FHL1: variants seen among roughly 807,000 people sequenced by gnomAD.
FHL1 encodes four and a half LIM domains 1, also known as four and a half LIM domains protein 1.
Under a neutral mutation model 20.3 loss-of-function variants are expected in FHL1, and 1 was observed. The ratio of observed to expected loss-of-function variants is 0.05; its 90% CI spans 0.02 to 0.23. The LOEUF (loss-of-function observed/expected upper bound fraction) is 0.23, where lower values mean the gene tolerates loss of function less well. Among genes scored for constraint, FHL1 ranks in the 10% least tolerant of loss-of-function variants. FHL1 has a pLI of 1.00. For synonymous variants in FHL1, 82 were observed against 88.9 expected, an observed-to-expected ratio of 0.92 and a Z score of 0.44; for missense variants, 177 against 234.0, an observed-to-expected ratio of 0.76 and a Z score of 1.59.
intron 1 of FHL1, among the ~76,000 whole-genome samples, chrX:136,161,281 G>C (rs949769197): frequency 2.7e-5 from 3 of 110,950 alleles, no homozygotes; most frequent in African/African-American, 6.6e-5. Context: ...CCCTCATTCT[G>C]TCTTCTCTTT....
At chrX:136,180,726 CTTTAT>C (rs1223504274) in intron 2 of FHL1, among the ~76,000 whole-genome samples, 3 of 112,017 alleles carry the variant, frequency 2.7e-5, no homozygotes, top group Non-Finnish European at 3.8e-5. Flanking sequence ...TACTGATTGA[CTTTAT>C]TTTATTTTAT....
intron 1 of FHL1, among the ~76,000 whole-genome samples, chrX:136,161,228 C>T (rs1042586207): frequency 5.4e-5 from 6 of 111,211 alleles, no homozygotes; most frequent in Admixed American, 9.6e-5. Context: ...CCTTGCTGCT[C>T]ACCCACCTGC....
intron 2 of FHL1, among the ~76,000 whole-genome samples, chrX:136,179,878 T>A (rs2073109973): frequency 8.9e-6 from 1 of 111,920 alleles, no homozygotes; most frequent in African/African-American, 3.2e-5. Context: ...AACGCTCCTA[T>A]TCCTACCACC....
Position 136,209,252 on chromosome X carries a change from C to T in FHL1, c.736+611C>T. 4 of 1,206,883 alleles carry T rather than the reference C, an allele frequency of 3.3e-6. No individual in the cohort carries two copies. In the South Asian group the frequency reaches 7.1e-5, roughly 21 times the overall value. ...CTTTTGCCATCCTCAGGGAAAAGGACTGTGTCAAGAGTGAGCCACCCAGTC... is the reference window on the plus strand; with the variant it reads ...CTTTTGCCATCCTCAGGGAAAAGGATTGTGTCAAGAGTGAGCCACCCAGTC... On this transcript the variant is annotated intron_variant, in intron 5 of 5. Transcript: ENST00000370683.
At chrX:136,201,471 T>C (rs770114137) in intron 1 of FHL1, among the ~76,000 whole-genome samples, 14 of 101,623 alleles carry the variant, frequency 1.4e-4, no homozygotes, top group East Asian at 3.3e-4. Context: ...GTAGGTCTTA[T>C]ACCAGTTAAA....
intron 1 of FHL1, among the ~76,000 whole-genome samples, chrX:136,198,805 C>A (rs751779046): frequency 9.0e-6 from 1 of 111,713 alleles, no homozygotes; most frequent in Non-Finnish European, 1.9e-5. Flanking sequence ...CCTTTCAAGT[C>A]GAAAACCAGG....
intron 1 of FHL1, among the ~76,000 whole-genome samples, chrX:136,159,897 A>T (rs867272775): frequency 4.4e-4 from 49 of 112,052 alleles, no homozygotes; most frequent in African/African-American, 1.5e-3. Context: ...TGGTGAACTT[A>T]TGCCAACTCT....
At chrX:136,170,146 CG>C (rs1341445014) in intron 2 of FHL1, among the ~76,000 whole-genome samples, 1 of 111,315 alleles carries the variant, frequency 9.0e-6, no homozygotes, top group African/African-American at 3.3e-5. Flanking sequence ...TATTAGCTCT[CG>C]GGGGCAATGT....
intron 5 of FHL1, 140 bp downstream of exon 5, chrX:136,208,781 C>T (rs1288930992): frequency 4.9e-6 from 3 of 618,093 alleles, no homozygotes; most frequent in Non-Finnish European, 7.9e-6. Context: ...TCCCAAAGGC[C>T]CCCCAAGAGT....
At chrX:136,207,555 G>T in intron 3 of FHL1, 1 of 440,920 alleles carries the variant, frequency 2.3e-6, no homozygotes. Context: ...AGAGGTGGGG[G>T]AGTGGGGGAT....
chrX:136,151,143 C>T (rs1603239488), intron 1 of FHL1, among the ~76,000 whole-genome samples: 3 of 112,152 alleles, frequency 2.7e-5, no homozygotes, highest in Admixed American at 9.4e-5. Flanking sequence ...TCAGCCAGGG[C>T]GCTTTTGCCC....
chrX:136,196,687 A>C, upstream of FHL1: 2 of 542,768 alleles, frequency 3.7e-6, no homozygotes, highest in South Asian at 3.5e-5. Flanking sequence ...ACAGCACAAA[A>C]ATGTATTATT....
At chrX:136,172,846 C>T (rs528249882) in intron 2 of FHL1, among the ~76,000 whole-genome samples, 6 of 112,320 alleles carry the variant, frequency 5.3e-5, no homozygotes, top group African/African-American at 1.9e-4. Context: ...GATTCTCCTG[C>T]CTCAGCCTCC....
At chrX:136,156,524 C>T (rs996143081) in intron 1 of FHL1, among the ~76,000 whole-genome samples, 7 of 111,157 alleles carry the variant, frequency 6.3e-5, no homozygotes, top group Non-Finnish European at 1.1e-4. Context: ...TCAGGTGATC[C>T]GCCCTCCTCG....
At chrX:136,178,396 C>G (rs1175779383) in intron 2 of FHL1, among the ~76,000 whole-genome samples, 1 of 111,895 alleles carries the variant, frequency 8.9e-6, no homozygotes, top group Non-Finnish European at 1.9e-5. Context: ...GAGCATCTCT[C>G]ACTGAAGGAT....
exon 1 of FHL1, chrX:136,169,723 C>T (rs1326881920): frequency 2.5e-5 from 8 of 322,471 alleles, no homozygotes; most frequent in Non-Finnish European, 4.2e-5. Flanking sequence ...GATAAACAGA[C>T]ATTTGGAGAA....
At chrX:136,206,789 G>A (rs2148372502) in intron 2 of FHL1, among the ~76,000 whole-genome samples, 1 of 113,450 alleles carries the variant, frequency 8.8e-6, no homozygotes, top group Non-Finnish European at 1.9e-5. Context: ...GGGCGCCAGC[G>A]CCCTTGCCAG....
upstream of FHL1, among the ~76,000 whole-genome samples, chrX:136,195,610 C>T (rs1423752138): frequency 8.9e-6 from 1 of 112,325 alleles, no homozygotes. Context: ...GTGTCATTTT[C>T]TAGCTAACTG....
upstream of FHL1, chrX:136,146,959 G>A: frequency 6.1e-6 from 2 of 328,348 alleles, no homozygotes; most frequent in Admixed American, 3.1e-5. Context: ...TCCGAAGTCG[G>A]AGGCCGAAAC....
Sources: gnomAD v4.1 joint callset for allele counts (sites outside exome capture counted in the v4.1 genomes callset) on GRCh38, gnomAD v4.1.1 for gene constraint, MANE v1.5 for transcripts, NCBI Gene and HGNC (gene_info 2026-07-23, HGNC 2026-07-21) for gene names.